LRRC3B: variants seen among roughly 807,000 people sequenced by gnomAD.
LRRC3B encodes leucine-rich repeat-containing protein 3B.
LRRC3B carries 2 observed loss-of-function variants against 12.8 expected under a neutral mutation model. The ratio of observed to expected loss-of-function variants is 0.16; its 90% CI spans 0.06 to 0.49. The LOEUF (loss-of-function observed/expected upper bound fraction) is 0.49, where lower values mean the gene tolerates loss of function less well. Among genes scored for constraint, LRRC3B ranks in the 20% least tolerant of loss-of-function variants. The pLI is 0.96. For missense variants in LRRC3B, 189 were observed against 319.4 expected (o/e 0.59, Z 3.11); for synonymous variants, 132 against 122.0 (o/e 1.08, Z -0.54).
chr3:26,654,498 T>C lies in LRRC3B; in HGVS notation c.-161+31261T>C, dbSNP rs528488401. The stretch of plus-strand genomic sequence containing the variant: ...ATAAAACAAGGCCTGGTATGATAAA[T>C]GCAAATGAGGATTACCTGTATGCTC... On this transcript the variant is annotated intron_variant, in intron 1 of 1. Transcript: ENST00000396641. 5.6e-4 allele frequency among the ~76,000 whole-genome samples: 86 copies of C among 152,260 alleles called. 1 individual carries two copies. In the South Asian group the frequency reaches 0.017, roughly 30 times the overall value.
intron 1 of LRRC3B, among the ~76,000 whole-genome samples, chr3:26,667,119 GAAAA>G (rs368094321): frequency 9.8e-6 from 1 of 101,528 alleles, no homozygotes; most frequent in African/African-American, 3.1e-5. Context: ...TCACTTTCAA[GAAAA>G]AAAAAAAAAA....
chr3:26,643,315 AAC>A (rs1265904258), intron 1 of LRRC3B, among the ~76,000 whole-genome samples: 13 of 151,960 alleles, frequency 8.6e-5, no homozygotes, highest in East Asian at 3.9e-4. Context: ...GTTGTATGAA[AAC>A]ACATATATAA....
chr3:26,705,250 G>A lies in LRRC3B; in HGVS notation c.-160-4263G>A, dbSNP rs1199652158. Among the ~76,000 whole-genome samples, 5 of 152,114 alleles carry A rather than the reference G, an allele frequency of 3.3e-5. No homozygotes were observed. In the East Asian group the frequency reaches 5.8e-4, roughly 18 times the overall value. On this transcript the variant is annotated intron_variant, in intron 1 of 1. Transcript: ENST00000396641. ...TCCCAGAATTAACTGCTGATGCGCA[G>A]TAACCTGGATGGCAAGAAAATATGA...
intron 1 of LRRC3B, among the ~76,000 whole-genome samples, chr3:26,661,727 T>G (rs1699495946): frequency 6.6e-6 from 1 of 152,148 alleles, no homozygotes; most frequent in African/African-American, 2.4e-5. Flanking sequence ...GTGTTTATAG[T>G]AGTGGCCACA....
At chr3:26,665,370 T>A (rs908938098) in intron 1 of LRRC3B, among the ~76,000 whole-genome samples, 2 of 152,190 alleles carry the variant, frequency 1.3e-5, no homozygotes, top group African/African-American at 4.8e-5. Flanking sequence ...CTATCGTCTT[T>A]GTTTTCTTCT....
rs762788262 is a variant in LRRC3B at position 26,671,011 on chromosome 3, C to CTTTTTTTTTT, written c.-160-38489_-160-38480dup. On this transcript the variant is annotated intron_variant, in intron 1 of 1. Transcript: ENST00000396641. ...GGGCACAGTCTACCTTCTCATGTAT[C>CTTTTTTTTTT]TTTTTTTTTTTTTTTTTTTTTTGAG... Among the ~76,000 whole-genome samples, 171 of 95,554 alleles carry CTTTTTTTTTT rather than the reference C, an allele frequency of 1.8e-3. 11 individuals are homozygous for CTTTTTTTTTT. The East Asian group carries it at 0.048, about 27-fold the overall frequency. The allele number at this position is 95,554 out of a possible 152,430, so 62.7% of individuals were successfully genotyped here. A position where few individuals can be genotyped will look rare whatever the true frequency, so the allele number is the denominator to read the frequency against.
At chr3:26,629,815 G>A (rs1698715028) in intron 1 of LRRC3B, among the ~76,000 whole-genome samples, 1 of 152,076 alleles carries the variant, frequency 6.6e-6, no homozygotes, top group Admixed American at 6.5e-5. Context: ...ATGTACTGTG[G>A]ACTGTTGATA....
chr3:26,628,342 G>GA (rs1382039134), intron 1 of LRRC3B, among the ~76,000 whole-genome samples: 4 of 149,946 alleles, frequency 2.7e-5, no homozygotes, highest in Non-Finnish European at 5.9e-5. Context: ...TCAAGATTCG[G>GA]AATATCTGAT....
At chr3:26,695,674 T>A (rs1300768629) in intron 1 of LRRC3B, among the ~76,000 whole-genome samples, 7 of 152,248 alleles carry the variant, frequency 4.6e-5, no homozygotes, top group African/African-American at 1.7e-4. Flanking sequence ...CCAATGTCTC[T>A]TCTTAGGAAA....
chr3:26,646,978 A>G (rs1462770072), intron 1 of LRRC3B, among the ~76,000 whole-genome samples: 1 of 152,030 alleles, frequency 6.6e-6, no homozygotes, highest in African/African-American at 2.4e-5. Context: ...CTTTTTACTC[A>G]AGTGCGTAGC....
chr3:26,679,460 A>G (rs144502384), intron 1 of LRRC3B, among the ~76,000 whole-genome samples: 339 of 152,336 alleles, frequency 2.2e-3, no homozygotes, highest in African/African-American at 7.7e-3. Context: ...AGTTGAGGGT[A>G]GCTCAGGGTC....
At chr3:26,648,841 C>T (rs987740128) in intron 1 of LRRC3B, among the ~76,000 whole-genome samples, 2 of 152,218 alleles carry the variant, frequency 1.3e-5, no homozygotes, top group African/African-American at 4.8e-5. Flanking sequence ...TCTGCCTTAA[C>T]ATCAGCAAAT....
At chr3:26,665,564 A>G (rs1699581539) in intron 1 of LRRC3B, among the ~76,000 whole-genome samples, 1 of 152,148 alleles carries the variant, frequency 6.6e-6, no homozygotes, top group Admixed American at 6.5e-5. Context: ...CAAGTATAGA[A>G]AAGAGAGTTG....
intron 1 of LRRC3B, among the ~76,000 whole-genome samples, chr3:26,656,419 A>G (rs927771347): frequency 6.6e-5 from 10 of 152,162 alleles, no homozygotes; most frequent in African/African-American, 1.4e-4. Flanking sequence ...CTCTAGCTCT[A>G]TTATTGTGTA....
At chr3:26,647,038 A>C (rs547871313) in intron 1 of LRRC3B, among the ~76,000 whole-genome samples, 4 of 152,246 alleles carry the variant, frequency 2.6e-5, no homozygotes, top group Admixed American at 2.6e-4. Flanking sequence ...CCTCAGCTAC[A>C]GCCATACTGG....
chr3:26,641,682 G>C (rs747331535), intron 1 of LRRC3B, among the ~76,000 whole-genome samples: 1 of 152,120 alleles, frequency 6.6e-6, no homozygotes, highest in Non-Finnish European at 1.5e-5. Flanking sequence ...CAGCAATGAT[G>C]ACCTTGAGGA....
intron 1 of LRRC3B, among the ~76,000 whole-genome samples, chr3:26,701,700 G>A (rs993699486): frequency 6.6e-6 from 1 of 151,990 alleles, no homozygotes; most frequent in African/African-American, 2.4e-5. Flanking sequence ...CTCTTTCCAA[G>A]ACACTCTGCC....
intron 1 of LRRC3B, among the ~76,000 whole-genome samples, chr3:26,650,760 A>G (rs1907166): frequency 1.3e-5 from 2 of 152,174 alleles, no homozygotes; most frequent in South Asian, 2.1e-4. Context: ...ACTGTAGCCT[A>G]TAAGAAAATT....
chr3:26,626,330 G>T (rs1011678114), intron 1 of LRRC3B, among the ~76,000 whole-genome samples: 2 of 152,204 alleles, frequency 1.3e-5, no homozygotes, highest in African/African-American at 4.8e-5. Flanking sequence ...GATTTGCTCT[G>T]TAGTCAAAAA....
Sources: gnomAD v4.1 joint callset for allele counts (sites outside exome capture counted in the v4.1 genomes callset) on GRCh38, gnomAD v4.1.1 for gene constraint, MANE v1.5 for transcripts, NCBI Gene and HGNC (gene_info 2026-07-23, HGNC 2026-07-21) for gene names.